The following USH2A variants were observed in gnomAD, a reference collection of about 807,000 sequenced individuals.
The protein encoded by USH2A is usherin.
In USH2A, 443 loss-of-function variants were observed where a neutral mutation model predicts 538.9. The ratio of observed to expected loss-of-function variants is 0.82; its 90% CI spans 0.76 to 0.89. The LOEUF (loss-of-function observed/expected upper bound fraction) is 0.89, where lower values mean the gene tolerates loss of function less well. Among genes scored for constraint, USH2A ranks in the 40% least tolerant of loss-of-function variants. The pLI is 0.00. For synonymous variants in USH2A, 2,413 were observed against 2,273.5 expected, an observed-to-expected ratio of 1.06 and a Z score of -1.75; for missense variants, 6,633 against 6,324.8, an observed-to-expected ratio of 1.05 and a Z score of -1.65.
chr1:216,304,206 A>G (rs12092128), intron 9 of USH2A, among the ~76,000 whole-genome samples: 2,650 of 152,150 alleles, frequency 0.017, 80 homozygotes, highest in African/African-American at 0.058. Context: ...TATAGTAAGT[A>G]GTCCTGTTTT....
intron 4 of USH2A, among the ~76,000 whole-genome samples, chr1:216,340,795 C>A (rs1485219095): frequency 1.3e-5 from 2 of 152,052 alleles, no homozygotes; most frequent in Admixed American, 6.6e-5. Flanking sequence ...AAATTCAACA[C>A]CCCTTCTTGT....
intron 35 of USH2A, among the ~76,000 whole-genome samples, chr1:215,987,484 C>T (rs975954820): frequency 2.6e-5 from 4 of 152,124 alleles, no homozygotes; most frequent in Non-Finnish European, 1.5e-5. Context: ...CCAGAGGGAA[C>T]GTGGGTGCAA....
At chr1:216,024,051 A>G (rs934552417) in intron 32 of USH2A, among the ~76,000 whole-genome samples, 5 of 152,112 alleles carry the variant, frequency 3.3e-5, no homozygotes, top group Non-Finnish European at 5.9e-5. Flanking sequence ...ATTAATAACC[A>G]TATAATCATT....
intron 44 of USH2A, among the ~76,000 whole-genome samples, chr1:215,858,160 T>A (rs980156034): frequency 6.6e-6 from 1 of 152,104 alleles, no homozygotes; most frequent in East Asian, 1.9e-4. Context: ...ATGTTAAATA[T>A]GTGTATATTG....
intron 41 of USH2A, among the ~76,000 whole-genome samples, chr1:215,886,295 G>T (rs1450213408): frequency 1.3e-5 from 2 of 152,126 alleles, no homozygotes; most frequent in African/African-American, 4.8e-5. Context: ...TTTACAAAGA[G>T]AAGTCGTTGT....
At chr1:216,036,771 A>G (rs905283708) in intron 32 of USH2A, among the ~76,000 whole-genome samples, 2 of 152,098 alleles carry the variant, frequency 1.3e-5, no homozygotes, top group Non-Finnish European at 2.9e-5. Context: ...GAAGACAGGA[A>G]TTTAACAACT....
chr1:216,205,354 A>C (rs1464143759), intron 16 of USH2A, among the ~76,000 whole-genome samples: 1 of 152,220 alleles, frequency 6.6e-6, no homozygotes, highest in Non-Finnish European at 1.5e-5. Flanking sequence ...ATACTTTGCC[A>C]ACATGGCAGA....
intron 3 of USH2A, among the ~76,000 whole-genome samples, chr1:216,414,379 A>C (rs1571796845): frequency 6.6e-6 from 1 of 152,258 alleles, no homozygotes; most frequent in African/African-American, 2.4e-5. Context: ...TTTTGGAATA[A>C]AAGCTGTGAG....
rs529253600 is a variant in USH2A, at chr1:215,741,284, C to T, written c.11711+91G>A. The T allele has an allele frequency of 5.3e-4, 766 of 1,445,896 alleles. 9 individuals carry two copies. In the South Asian group the frequency reaches 8.0e-3, roughly 15 times the overall value. 89.6% of individuals were successfully genotyped at this position (1,445,896 alleles called of 1,614,324 possible). A position where few individuals can be genotyped will look rare whatever the true frequency, so the allele number is the denominator to read the frequency against. Reference sequence around the variant, plus strand: ...CACAACATGAATTCCCATTCATTCTCTTATGGAAATATAAAATGCTCTTGA... The same window carrying T: ...CACAACATGAATTCCCATTCATTCTTTTATGGAAATATAAAATGCTCTTGA... On this transcript the variant is annotated intron_variant, in intron 60 of 71. Transcript: ENST00000307340.
chr1:216,140,319 A>G (rs1224508301), intron 21 of USH2A, among the ~76,000 whole-genome samples: 1 of 152,162 alleles, frequency 6.6e-6, no homozygotes, highest in Non-Finnish European at 1.5e-5. Flanking sequence ...TGCTCAATAA[A>G]TAACTTTGAA....
chr1:215,965,282 T>A (rs767039529), intron 37 of USH2A, 35 bp downstream of exon 37: 2 of 1,585,944 alleles, frequency 1.3e-6, no homozygotes, highest in Middle Eastern at 3.4e-4. Context: ...TGTTTTCTAA[T>A]GTTATTTAAA....
At position 216,084,693 on chromosome 1, in the gene USH2A, ATTACCTGCTCCTAGGAAC is replaced by A; in HGVS notation, c.5154_5167+4del. On this transcript the variant is annotated splice_donor_variant and splice_donor_region_variant and coding_sequence_variant and intron_variant, in exon 25 of 72. Coordinates refer to ENST00000307340, the MANE Select transcript of USH2A (RefSeq NM_206933.4). LOFTEE classifies it high-confidence loss of function. ...TGAACACTCATGTCTTTTTTAGAGC[ATTACCTGCTCCTAGGAAC>A]TGAGCTCCCTCATTTAATGAAGCGG... 1 of 1,612,724 alleles carries A rather than the reference ATTACCTGCTCCTAGGAAC, an allele frequency of 6.2e-7. No individual in the cohort carries two copies. The highest frequency in any genetic ancestry group is 8.5e-7 in the Non-Finnish European group (1 of 1,179,484).
intron 14 of USH2A, among the ~76,000 whole-genome samples, chr1:216,218,957 C>T (rs1477126805): frequency 1.3e-5 from 2 of 149,810 alleles, no homozygotes; most frequent in Non-Finnish European, 3.0e-5. Flanking sequence ...TATTAGTGAG[C>T]ATAAACAATA....
chr1:216,142,805 G>T (rs2033626138), intron 21 of USH2A, among the ~76,000 whole-genome samples: 2 of 152,012 alleles, frequency 1.3e-5, no homozygotes, highest in Non-Finnish European at 2.9e-5. Flanking sequence ...AGTCTCCACA[G>T]CCTAATTATG....
At chr1:216,418,176 G>A (rs2102783297) in intron 3 of USH2A, among the ~76,000 whole-genome samples, 1 of 152,162 alleles carries the variant, frequency 6.6e-6, no homozygotes, top group South Asian at 2.1e-4. Flanking sequence ...AGTAAAATTA[G>A]TACCAGACAT....
rs1182444262 is a variant in USH2A, at chr1:215,631,248, G to GT, written c.15298-2214_15298-2213insA. ...GAGAAGTGTGTGTGTGTGTGTGTGT[G>GT]GGTGGGTGTTGCAGGGGCATAGCTC... On this transcript the variant is annotated intron_variant, in intron 70 of 71. Transcript: ENST00000307340. Among the ~76,000 whole-genome samples the GT allele has an allele frequency of 2.5e-4, 38 of 151,948 alleles. 1 individual carries two copies. Among genetic ancestry groups the GT allele is most frequent in the African/African-American group, 8.2e-4 (34 of 41,352 alleles).
intron 22 of USH2A, among the ~76,000 whole-genome samples, chr1:216,092,722 G>A (rs977729297): frequency 2.0e-5 from 3 of 152,128 alleles, no homozygotes; most frequent in Admixed American, 6.5e-5. Flanking sequence ...GCATAAGCTC[G>A]TTGTTTCATA....
chr1:215,796,852 A>G (rs368101897), intron 50 of USH2A, among the ~76,000 whole-genome samples: 88,048 of 151,558 alleles, frequency 0.58, 25,943 homozygotes, highest in Admixed American at 0.66. Context: ...GAAAATCAAA[A>G]TGCTCCTCTT....
At chr1:215,994,478 G>A (rs974536190) in intron 34 of USH2A, among the ~76,000 whole-genome samples, 1 of 152,080 alleles carries the variant, frequency 6.6e-6, no homozygotes, top group African/African-American at 2.4e-5. Flanking sequence ...AACAGTTTAT[G>A]GTCAACAAAC....
Sources: gnomAD v4.1 joint callset for allele counts (sites outside exome capture counted in the v4.1 genomes callset) on GRCh38, gnomAD v4.1.1 for gene constraint, MANE v1.5 for transcripts, NCBI Gene and HGNC (gene_info 2026-07-23, HGNC 2026-07-21) for gene names.